The following RASA2 variants were observed in gnomAD, a reference collection of about 807,000 sequenced individuals.
The protein encoded by RASA2 is RAS p21 protein activator 2.
RASA2 carries 155 observed loss-of-function variants against 118.2 expected under a neutral mutation model. The observed-to-expected ratio is 1.31, with a 90% CI of 1.15 to 1.50. The LOEUF (loss-of-function observed/expected upper bound fraction) is 1.50, where lower values mean the gene tolerates loss of function less well. Among genes scored for constraint, RASA2 ranks in the 40% most tolerant of loss-of-function variants. The pLI, the probability that RASA2 is intolerant of heterozygous loss-of-function variation, is 0.00. For synonymous variants in RASA2, 353 were observed against 349.1 expected (o/e 1.01, Z -0.12); for missense variants, 1,016 against 1,009.6 (o/e 1.01, Z -0.09).
intron 1 of RASA2, among the ~76,000 whole-genome samples, chr3:141,487,666 G>A (rs2081594896): frequency 6.6e-6 from 1 of 152,046 alleles, no homozygotes; most frequent in Non-Finnish European, 1.5e-5. Flanking sequence ...ACGGAGGCGC[G>A]GCCCGAGGAG....
intron 9 of RASA2, among the ~76,000 whole-genome samples, chr3:141,563,232 T>C (rs1049693384): frequency 1.1e-4 from 17 of 152,226 alleles, no homozygotes; most frequent in African/African-American, 4.1e-4. Flanking sequence ...AATTTCTCTT[T>C]ATTCCCTGTT....
chr3:141,590,033 C>G (rs774419449), intron 19 of RASA2: 68 of 433,196 alleles, frequency 1.6e-4, no homozygotes, highest in Non-Finnish European at 2.9e-4. Context: ...AGCTTATTTA[C>G]CAAAGCCTGC....
At chr3:141,520,701 TAC>T (rs771671067) in intron 3 of RASA2, among the ~76,000 whole-genome samples, 4 of 152,202 alleles carry the variant, frequency 2.6e-5, no homozygotes, top group Admixed American at 1.3e-4. Flanking sequence ...CAGATATATA[TAC>T]ACACACAGTT....
intron 1 of RASA2, among the ~76,000 whole-genome samples, chr3:141,496,479 A>G (rs1354375148): frequency 6.6e-6 from 1 of 152,244 alleles, no homozygotes; most frequent in Non-Finnish European, 1.5e-5. Flanking sequence ...CAAGAAAAAA[A>G]CAACCCCATG....
intron 1 of RASA2, among the ~76,000 whole-genome samples, chr3:141,488,304 G>A (rs1413441859): frequency 6.6e-6 from 1 of 152,116 alleles, no homozygotes; most frequent in Non-Finnish European, 1.5e-5. Context: ...TTGGAAACAT[G>A]CTTCATGTTT....
intron 8 of RASA2, 58 bp downstream of exon 8, chr3:141,559,020 A>C: frequency 7.0e-7 from 1 of 1,426,824 alleles, no homozygotes; most frequent in African/African-American, 1.4e-5. Context: ...AAAATCCTAG[A>C]TTCAACCAAA....
At chr3:141,610,648 G>A in intron 23 of RASA2, among the ~76,000 whole-genome samples, 1 of 150,406 alleles carries the variant, frequency 6.6e-6, no homozygotes, top group East Asian at 2.0e-4. Context: ...ACACCACTGT[G>A]CCCAGCTATT....
intron 4 of RASA2, among the ~76,000 whole-genome samples, chr3:141,538,445 C>T (rs1275829080): frequency 1.3e-4 from 19 of 151,994 alleles, no homozygotes. Flanking sequence ...CCAAAGGTAT[C>T]TTCTATCAAC....
rs1488772155 is a variant in RASA2, at chr3:141,502,133, AC to A, written c.134-10029del. The stretch of plus-strand genomic sequence containing the variant: ...TAATGCAACATTTCAAAATGTAAAA[AC>A]ATTTGAAATCTGAAATACTTCTGGT... On this transcript the variant is annotated intron_variant, in intron 1 of 23. Coordinates refer to ENST00000286364, the MANE Select transcript of RASA2 (RefSeq NM_006506.5). Among the ~76,000 whole-genome samples, 4 of 152,202 alleles carry A rather than the reference AC, an allele frequency of 2.6e-5. No individual in the cohort carries two copies. In the East Asian group the frequency reaches 5.8e-4, roughly 22 times the overall value.
intron 1 of RASA2, among the ~76,000 whole-genome samples, chr3:141,505,958 G>C (rs1223638598): frequency 1.3e-5 from 2 of 152,180 alleles, no homozygotes; most frequent in African/African-American, 4.8e-5. Context: ...CAAAATCATG[G>C]ATGTATAGTG....
chr3:141,510,473 C>G (rs2081934907), intron 1 of RASA2, among the ~76,000 whole-genome samples: 1 of 152,040 alleles, frequency 6.6e-6, no homozygotes, highest in African/African-American at 2.4e-5. Flanking sequence ...TCTTGAAGAT[C>G]AACAAGTTCT....
intron 1 of RASA2, among the ~76,000 whole-genome samples, chr3:141,493,527 G>A (rs1173551473): frequency 6.6e-6 from 1 of 152,174 alleles, no homozygotes; most frequent in Non-Finnish European, 1.5e-5. Context: ...GGGCAGCTAG[G>A]ATAGTGAATT....
chr3:141,580,066 A>G (rs1232538355), intron 15 of RASA2, among the ~76,000 whole-genome samples: 1 of 94,222 alleles, frequency 1.1e-5, no homozygotes, highest in Non-Finnish European at 1.9e-5. Context: ...AGGAAAAAAA[A>G]AAGAAAAAAA....
In RASA2 at chr3:141,517,116, G is replaced by C. The variant is rs1270812589; in HGVS notation, c.355+685G>C. Among the ~76,000 whole-genome samples the C allele has an allele frequency of 2.6e-5, 4 of 152,136 alleles. No homozygotes were observed. The East Asian group carries it at 7.7e-4, about 29-fold the overall frequency. Reference sequence around the variant, plus strand: ...GAGCACCTTACACTTAGTAAGTGTTGGGTAAGTATTTGTTTAGTGGTTCAA... The same window carrying C: ...GAGCACCTTACACTTAGTAAGTGTTCGGTAAGTATTTGTTTAGTGGTTCAA... On this transcript the variant is annotated intron_variant, in intron 3 of 23. Transcript: ENST00000286364.
intron 17 of RASA2, among the ~76,000 whole-genome samples, chr3:141,584,890 A>AT (rs1488431012): frequency 7.9e-5 from 12 of 151,816 alleles, no homozygotes; most frequent in South Asian, 2.1e-4. Context: ...CTCCATATAT[A>AT]TTTTTTTTAA....
intron 1 of RASA2, among the ~76,000 whole-genome samples, chr3:141,501,672 T>A (rs755818268): frequency 3.9e-5 from 6 of 152,214 alleles, no homozygotes; most frequent in Non-Finnish European, 8.8e-5. Context: ...TTTATCATAT[T>A]GCAAAAATTG....
intron 5 of RASA2, among the ~76,000 whole-genome samples, chr3:141,552,199 G>T (rs545164954): frequency 6.6e-6 from 1 of 152,162 alleles, no homozygotes; most frequent in Non-Finnish European, 1.5e-5. Context: ...AGTCAGTACT[G>T]CATTTTCCTC....
chr3:141,502,755 C>T (rs1300983932), intron 1 of RASA2, among the ~76,000 whole-genome samples: 1 of 151,992 alleles, frequency 6.6e-6, no homozygotes, highest in African/African-American at 2.4e-5. Flanking sequence ...TTTCTGTCAC[C>T]CCAAATAATC....
At chr3:141,529,262 C>A (rs566074873) in intron 3 of RASA2, among the ~76,000 whole-genome samples, 1 of 151,872 alleles carries the variant, frequency 6.6e-6, no homozygotes, top group Non-Finnish European at 1.5e-5. Context: ...ATTGTTTTTC[C>A]TTTTCTCTTA....
Sources: gnomAD v4.1 joint callset for allele counts (sites outside exome capture counted in the v4.1 genomes callset) on GRCh38, gnomAD v4.1.1 for gene constraint, MANE v1.5 for transcripts, NCBI Gene and HGNC (gene_info 2026-07-23, HGNC 2026-07-21) for gene names.